Variants in SZT2 observed in about 807,000 individuals in gnomAD.
SZT2 encodes the protein KICSTOR complex protein SZT2.
A neutral mutation model predicts 404.2 loss-of-function variants in SZT2; 216 were observed. That is an observed-to-expected ratio of 0.53 (90% confidence interval 0.48 to 0.60). The LOEUF (loss-of-function observed/expected upper bound fraction) is 0.60, where lower values mean the gene tolerates loss of function less well. Among genes scored for constraint, SZT2 ranks in the 20% least tolerant of loss-of-function variants. The pLI is 0.00. For missense variants in SZT2, 3,857 were observed against 4,459.2 expected (o/e 0.86, Z 3.85); for synonymous variants, 1,693 against 1,749.9 (o/e 0.97, Z 0.81).
At position 43,437,246 on chromosome 1, in the gene SZT2, C is replaced by T; in HGVS notation, c.6110C>T (p.Ser2037Phe). ...ATMQFVPGHF[S>F]CDVVWGTVIR... is the part of the protein sequence containing the mutation. ...ATGCAGTTTGTCCCTGGCCATTTCT[C>T]CTGTGACGTTGTGTGGGGAACTGTG... Residue 2037 changes from serine (S) to phenylalanine (F), a missense_variant, in exon 43 of 72, where the codon TCC becomes TTC. By Grantham distance (155) the Ser-to-Phe change is radical. Around this residue, in one of 7 missense-constraint regions of SZT2, gnomAD observed 261 missense variants for 372.9 expected, o/e 0.70. Transcript: ENST00000634258. This position sits in a 1 kb window ranked among gnomAD's most constrained non-coding sequence, Gnocchi z 5.3. The T allele has an allele frequency of 1.2e-6, 2 of 1,614,168 alleles. No homozygotes were observed. Among genetic ancestry groups the T allele is most frequent in the South Asian group, 2.2e-5 (2 of 91,080 alleles).
intron 28 of SZT2, 24 bp from the exon 29 acceptor site, chr1:43,429,679 A>G (rs1485659790): frequency 1.2e-6 from 2 of 1,614,008 alleles, no homozygotes; most frequent in East Asian, 2.2e-5. Flanking sequence ...TTAACACTTC[A>G]ACATCCTTAC....
At chr1:43,415,297 T>C (rs1651572603) in intron 5 of SZT2, 84 bp downstream of exon 5, 9 of 1,525,526 alleles carry the variant, frequency 5.9e-6, no homozygotes, top group Admixed American at 3.8e-5. Context: ...ATAGTCCAAA[T>C]AGGGCAAAAA....
At chr1:43,413,498 A>G (rs911133985) in intron 4 of SZT2, among the ~76,000 whole-genome samples, 2 of 152,152 alleles carry the variant, frequency 1.3e-5, no homozygotes, top group Admixed American at 6.5e-5. Context: ...AGATATCTGC[A>G]CTCCCATGTT....
At chr1:43,397,474 G>A (rs951424815) in intron 1 of SZT2, among the ~76,000 whole-genome samples, 1 of 150,150 alleles carries the variant, frequency 6.7e-6, no homozygotes, top group South Asian at 2.1e-4. Context: ...CCTCCACCTC[G>A]CTGGATCTTC....
Position 43,452,194 on chromosome 1 carries a change from ACCTTT to A in SZT2, c.*1716_*1720del. ...GACATGTAAGTACGTGTGTGTTTCC[ACCTTT>A]CTCACCTGAGCCAAAACCCCAGCTG... On this transcript the variant is annotated 3_prime_UTR_variant, in exon 72 of 72. Transcript: ENST00000634258. 6.2e-7 allele frequency: 1 copy of A among 1,604,478 alleles called. No individual in the cohort carries two copies. The highest frequency in any genetic ancestry group is 1.1e-5 in the South Asian group (1 of 90,082).
At chr1:43,406,270 T>G (rs941118834) in intron 4 of SZT2, 3 of 321,226 alleles carry the variant, frequency 9.3e-6, no homozygotes, top group African/African-American at 2.3e-5. Context: ...GTTTTTTTTG[T>G]TTTTTTTGGT....
rs1304389790 is a variant in SZT2, at chr1:43,451,487, A to G, written c.*1007A>G. The G allele has an allele frequency of 8.7e-6, 14 of 1,613,998 alleles. No homozygotes were observed. Among genetic ancestry groups the G allele is most frequent in the Non-Finnish European group, 1.2e-5 (14 of 1,180,028 alleles). On this transcript the variant is annotated 3_prime_UTR_variant, in exon 72 of 72. Coordinates refer to ENST00000634258, the MANE Select transcript of SZT2 (RefSeq NM_001365999.1). Reference sequence around the variant, plus strand: ...CAGTTGAAACAGATAGGGGAAATTCAGCTCTCCGGGGCTGCTGGGCTCCCC... The same window carrying G: ...CAGTTGAAACAGATAGGGGAAATTCGGCTCTCCGGGGCTGCTGGGCTCCCC...
At position 43,453,479 on chromosome 1, in the gene SZT2, T is replaced by G. The variant is rs1656674027; in HGVS notation, c.*2999T>G. The G allele has an allele frequency of 6.4e-7, 1 of 1,558,852 alleles. No homozygotes were observed. The highest frequency in any genetic ancestry group is 1.2e-5 in the South Asian group (1 of 84,506). On this transcript the variant is annotated 3_prime_UTR_variant, in exon 72 of 72. Coordinates refer to ENST00000634258, the MANE Select transcript of SZT2 (RefSeq NM_001365999.1). ...CCCGGGGACGGCCCCCAGCCCCATT[T>G]CCCCCTTCTCTTGGTCTCCTGCAGA...
chr1:43,452,428 A>G lies in SZT2; in HGVS notation c.*1948A>G, dbSNP rs767082434. 7.0e-6 allele frequency: 6 copies of G among 857,162 alleles called. No individual in the cohort carries two copies. The highest frequency in any genetic ancestry group is 2.9e-5 in the South Asian group (2 of 69,882). 53.1% of individuals were successfully genotyped at this position (857,162 alleles called of 1,614,324 possible). A position where few individuals can be genotyped will look rare whatever the true frequency, so the allele number is the denominator to read the frequency against. On this transcript the variant is annotated 3_prime_UTR_variant, in exon 72 of 72. Transcript: ENST00000634258. ...GTCCGTCTCCCCAGGTCTCCAGTCC[A>G]TGGCACCTGGGTCACGATGCCCAGG...
rs1312063095 is a variant in SZT2 at position 43,445,870 on chromosome 1, C to CT, written c.8826-22dup. Reference sequence around the variant, plus strand: ...GCATGCCACTAGCCTGCCTCATCCTCTTATCCCTCCTCCTTTTCTATAGCA... The same window carrying CT: ...GCATGCCACTAGCCTGCCTCATCCTCTTTATCCCTCCTCCTTTTCTATAGCA... On this transcript the variant is annotated intron_variant, in intron 62 of 71. Transcript: ENST00000634258. The CT allele has an allele frequency of 5.0e-6, 8 of 1,612,070 alleles. No individual in the cohort carries two copies. The South Asian group carries it at 8.8e-5, about 18-fold the overall frequency.
Position 43,427,198 on chromosome 1 carries a change from C to T in SZT2, c.3433+19C>T. 3 of 1,613,190 alleles carry T rather than the reference C, an allele frequency of 1.9e-6. No homozygotes were observed. Among genetic ancestry groups the T allele is most frequent in the Non-Finnish European group, 1.7e-6 (2 of 1,179,544 alleles). ...TTCTCAGGTGCCAGCTGCTGACCTC[C>T]TCACGAACCCCCTCAGATACAAACC... is the stretch of plus-strand genomic sequence containing the variant. On this transcript the variant is annotated intron_variant, in intron 24 of 71. Transcript: ENST00000634258.
intron 5 of SZT2, 128 bp downstream of exon 5, chr1:43,415,341 T>C: frequency 8.7e-7 from 1 of 1,145,790 alleles, no homozygotes; most frequent in Non-Finnish European, 1.2e-6. Flanking sequence ...GAGACAAGGA[T>C]AGGCATGCTC....
intron 4 of SZT2, among the ~76,000 whole-genome samples, chr1:43,414,162 A>G: frequency 6.6e-6 from 1 of 151,994 alleles, no homozygotes; most frequent in Non-Finnish European, 1.5e-5. Flanking sequence ...CATGCCTGTA[A>G]TCCCAGCTGA....
chr1:43,443,857 A>C (rs1655371056), intron 62 of SZT2, 61 bp downstream of exon 62: 1 of 1,596,418 alleles, frequency 6.3e-7, no homozygotes, highest in African/African-American at 1.3e-5. Context: ...GAGGCCCCAC[A>C]GGCCCTTCCT....
intron 1 of SZT2, chr1:43,394,166 G>A (rs1202156003): frequency 6.7e-6 from 5 of 749,134 alleles, no homozygotes; most frequent in Non-Finnish European, 8.1e-6. Flanking sequence ...AGAATCACTT[G>A]GAGACCTTGT....
At chr1:43,402,448 G>A (rs1387895907) in intron 1 of SZT2, among the ~76,000 whole-genome samples, 1 of 152,192 alleles carries the variant, frequency 6.6e-6, no homozygotes, top group East Asian at 1.9e-4. Flanking sequence ...GGCACTGCTG[G>A]CAAGGTGACA....
rs1410800454 is a variant in SZT2, at chr1:43,415,130, C to T, written c.547C>T (p.Leu183=). ...LLDPSQREVF[L]QQIYEQLCLF... is the part of the protein sequence containing the mutation. ...GGACCCTTCCCAGCGGGAGGTGTTC[C>T]TGCAGCAGATATATGAGCAGCTCTG... Residue 183 remains leucine (L), a synonymous_variant, in exon 5 of 72, where the codon CTG becomes TTG. Coordinates refer to ENST00000634258, the MANE Select transcript of SZT2 (RefSeq NM_001365999.1). The T allele has an allele frequency of 1.9e-6, 3 of 1,598,102 alleles. No individual in the cohort carries two copies. The highest frequency in any genetic ancestry group is 1.7e-5 in the Admixed American group (1 of 60,006).
chr1:43,452,353 C>T lies in SZT2; in HGVS notation c.*1873C>T, dbSNP rs755406960. 2 of 1,516,568 alleles carry T rather than the reference C, an allele frequency of 1.3e-6. No individual in the cohort carries two copies. The highest frequency in any genetic ancestry group is 1.1e-5 in the South Asian group (1 of 87,498). The allele number at this position is 1,516,568 out of a possible 1,614,324, so 93.9% of individuals were successfully genotyped here. On this transcript the variant is annotated 3_prime_UTR_variant, in exon 72 of 72. Transcript: ENST00000634258. ...AAGATGGACTGGAGGCCTTGCCTCCCTTGGCTCTCTCTGCACCTCTTCCAG... is the reference window on the plus strand; with the variant it reads ...AAGATGGACTGGAGGCCTTGCCTCCTTTGGCTCTCTCTGCACCTCTTCCAG...
chr1:43,448,579 A>T lies in SZT2; in HGVS notation c.9970-33A>T, dbSNP rs1655979331. On this transcript the variant is annotated intron_variant, in intron 69 of 71. Coordinates refer to ENST00000634258, the MANE Select transcript of SZT2 (RefSeq NM_001365999.1). The surrounding 1 kb of genome is among the most constrained non-coding windows in gnomAD (Gnocchi z 4.2). Reference sequence around the variant, plus strand: ...GGCACAGGAATCTGAGGTGACTGGCACAGAAGACTCAGGCCTGTGGCTCCT... The same window carrying T: ...GGCACAGGAATCTGAGGTGACTGGCTCAGAAGACTCAGGCCTGTGGCTCCT... The T allele has an allele frequency of 6.2e-7, 1 of 1,613,856 alleles. No homozygotes were observed. Among genetic ancestry groups the T allele is most frequent in the South Asian group, 1.1e-5 (1 of 91,084 alleles).
Sources: gnomAD v4.1 joint callset for allele counts (sites outside exome capture counted in the v4.1 genomes callset) on GRCh38, gnomAD v4.1.1 for gene constraint, gnomAD v4.1.1 regional missense constraint, Gnocchi (gnomAD v3.1) non-coding constraint, MANE v1.5 for transcripts, NCBI Gene and HGNC (gene_info 2026-07-23, HGNC 2026-07-21) for gene names.